The following TSPAN18 variants were observed in gnomAD, a reference collection of about 807,000 sequenced individuals.
TSPAN18 encodes tetraspanin 18, also known as tetraspanin-18.
In TSPAN18, 14 loss-of-function variants were observed where a neutral mutation model predicts 27.3. That is an observed-to-expected ratio of 0.51 (90% CI 0.34 to 0.80). TSPAN18 has a LOEUF of 0.80. Among genes scored for constraint, TSPAN18 ranks in the 30% least tolerant of loss-of-function variants. The pLI, the probability that TSPAN18 is intolerant of heterozygous loss-of-function variation, is 0.01. For missense variants in TSPAN18, 268 were observed against 323.9 expected (o/e 0.83, Z 1.32); for synonymous variants, 143 against 136.5 (o/e 1.05, Z -0.33).
At chr11:44,749,620 AC>A (rs1855161197) in intron 1 of TSPAN18, among the ~76,000 whole-genome samples, 1 of 150,040 alleles carries the variant, frequency 6.7e-6, no homozygotes, top group African/African-American at 2.5e-5. Context: ...TAGCCACAGA[AC>A]GTGGAACTTT....
intron 1 of TSPAN18, among the ~76,000 whole-genome samples, chr11:44,749,689 T>C (rs1590416637): frequency 7.0e-6 from 1 of 142,340 alleles, no homozygotes; most frequent in African/African-American, 2.8e-5. Context: ...CAGGCTGGAG[T>C]GCAGTGGCGC....
intron 2 of TSPAN18, among the ~76,000 whole-genome samples, chr11:44,782,209 G>C (rs775284005): frequency 6.6e-6 from 1 of 152,090 alleles, no homozygotes; most frequent in Non-Finnish European, 1.5e-5. Context: ...GAAGTATCCT[G>C]GAATATAGTG....
chr11:44,800,717 C>A (rs966629215), intron 2 of TSPAN18, among the ~76,000 whole-genome samples: 1 of 152,178 alleles, frequency 6.6e-6, no homozygotes, highest in Admixed American at 6.5e-5. Context: ...TGGCCCAACC[C>A]CCTCGTAGTC....
intron 2 of TSPAN18, among the ~76,000 whole-genome samples, chr11:44,809,352 G>T (rs991260050): frequency 6.6e-6 from 1 of 151,714 alleles, no homozygotes; most frequent in Non-Finnish European, 1.5e-5. Context: ...TCTTCATTCT[G>T]CATCCCCAGG....
intron 3 of TSPAN18, among the ~76,000 whole-genome samples, chr11:44,862,551 C>T (rs1023891831): frequency 2.6e-5 from 4 of 152,218 alleles, no homozygotes; most frequent in Non-Finnish European, 5.9e-5. Context: ...CAGCCAATGG[C>T]TGTTGAGTGC....
chr11:44,920,561 C>T (rs993419896), intron 8 of TSPAN18, among the ~76,000 whole-genome samples: 2 of 152,206 alleles, frequency 1.3e-5, no homozygotes, highest in African/African-American at 2.4e-5. Flanking sequence ...AAGACAAGCG[C>T]CTGGCTTTGT....
At chr11:44,732,900 C>T (rs901414698) in intron 1 of TSPAN18, among the ~76,000 whole-genome samples, 1 of 152,158 alleles carries the variant, frequency 6.6e-6, no homozygotes, top group African/African-American at 2.4e-5. Context: ...CATTACTTGT[C>T]TAATATGGGT....
chr11:44,827,417 C>T (rs1451807023), intron 2 of TSPAN18, among the ~76,000 whole-genome samples: 1 of 152,194 alleles, frequency 6.6e-6, no homozygotes, highest in Non-Finnish European at 1.5e-5. Context: ...TGTGCCCTAC[C>T]CAAGCCCAGG....
chr11:44,882,158 A>G (rs1469008108), intron 3 of TSPAN18, among the ~76,000 whole-genome samples: 2 of 152,120 alleles, frequency 1.3e-5, no homozygotes, highest in Admixed American at 1.3e-4. Context: ...ATAGGGTCAG[A>G]TCAGACCCTG....
At chr11:44,824,387 G>A (rs1317922604) in intron 2 of TSPAN18, among the ~76,000 whole-genome samples, 1 of 152,238 alleles carries the variant, frequency 6.6e-6, no homozygotes, top group East Asian at 1.9e-4. Flanking sequence ...TGGGGCTGGG[G>A]GCAGGGATAG....
At chr11:44,864,345 C>G (rs372033164) in intron 3 of TSPAN18, among the ~76,000 whole-genome samples, 1 of 151,808 alleles carries the variant, frequency 6.6e-6, no homozygotes, top group East Asian at 1.9e-4. Flanking sequence ...CTCCCATCTC[C>G]GAAAAGTGTT....
intron 2 of TSPAN18, among the ~76,000 whole-genome samples, chr11:44,797,898 C>T (rs1410120812): frequency 6.6e-6 from 1 of 152,294 alleles, no homozygotes; most frequent in South Asian, 2.1e-4. Context: ...AGTTTAGGAA[C>T]GAGTGTGTAC....
intron 2 of TSPAN18, among the ~76,000 whole-genome samples, chr11:44,777,717 C>T (rs1855845976): frequency 6.6e-6 from 1 of 152,222 alleles, no homozygotes; most frequent in Non-Finnish European, 1.5e-5. Flanking sequence ...ATAGATCACA[C>T]TGTGGTTCCC....
chr11:44,755,637 G>A (rs1006547377), intron 1 of TSPAN18, among the ~76,000 whole-genome samples: 3 of 151,604 alleles, frequency 2.0e-5, no homozygotes, highest in Middle Eastern at 3.2e-3. Context: ...TTAAAACAAA[G>A]CAAAACAAAG....
At chr11:44,882,884 G>T (rs1006593477) in intron 3 of TSPAN18, among the ~76,000 whole-genome samples, 1 of 152,198 alleles carries the variant, frequency 6.6e-6, no homozygotes, top group Admixed American at 6.5e-5. Context: ...CTGCAGAAAA[G>T]GTACCAGTTT....
chr11:44,800,593 G>A (rs1046579207), intron 2 of TSPAN18, among the ~76,000 whole-genome samples: 4 of 152,164 alleles, frequency 2.6e-5, no homozygotes, highest in Non-Finnish European at 4.4e-5. Context: ...GGGAGGCTTC[G>A]CTCAAAGCTC....
At chr11:44,906,323 T>A in intron 3 of TSPAN18, 84 bp from the exon 4 acceptor site, 1 of 1,232,368 alleles carries the variant, frequency 8.1e-7, no homozygotes, top group Admixed American at 1.7e-5. Flanking sequence ...TGGGGCTGGC[T>A]GCGGGGAACC....
At chr11:44,899,812 G>A (rs774649932) in intron 3 of TSPAN18, among the ~76,000 whole-genome samples, 1 of 152,166 alleles carries the variant, frequency 6.6e-6, no homozygotes, top group Non-Finnish European at 1.5e-5. Context: ...TGACCCTACA[G>A]GCCCCACCCA....
intron 1 of TSPAN18, among the ~76,000 whole-genome samples, chr11:44,732,308 A>G (rs1019840081): frequency 6.6e-6 from 1 of 152,204 alleles, no homozygotes; most frequent in South Asian, 2.1e-4. Context: ...GTGCTTGACA[A>G]TACTTCATCC....
Sources: gnomAD v4.1 joint callset for allele counts (sites outside exome capture counted in the v4.1 genomes callset) on GRCh38, gnomAD v4.1.1 for gene constraint, MANE v1.5 for transcripts, NCBI Gene and HGNC (gene_info 2026-07-23, HGNC 2026-07-21) for gene names.